Variants in PCDHGA4 observed in about 807,000 individuals in gnomAD.
The protein encoded by PCDHGA4 is protocadherin gamma subfamily A, 4.
PCDHGA4 carries 38 observed loss-of-function variants against 54.6 expected under a neutral mutation model. The ratio of observed to expected loss-of-function variants is 0.70; its 90% CI spans 0.54 to 0.91. PCDHGA4 has a LOEUF of 0.91. Ranked by LOEUF, PCDHGA4 falls within the 40% of genes least tolerant of loss-of-function variation. The pLI, the probability that PCDHGA4 is intolerant of heterozygous loss-of-function variation, is 0.00. For missense variants in PCDHGA4, 1,298 were observed against 1,220.9 expected, an observed-to-expected ratio of 1.06 and a Z score of -0.94; for synonymous variants, 511 against 512.9, an observed-to-expected ratio of 1.00 and a Z score of 0.05.
chr5:141,417,709 C>T lies in PCDHGA4; in HGVS notation c.2514+60088C>T, dbSNP rs533902963. 1.5e-5 allele frequency: 18 copies of T among 1,238,872 alleles called. No individual in the cohort carries two copies. The East Asian group carries it at 1.8e-4, about 12-fold the overall frequency. 76.7% of individuals were successfully genotyped at this position (1,238,872 alleles called of 1,614,324 possible). ...AAGAAAACCAGCTCCCACACAGAGG[C>T]TCCCGGCTGCGCAGACCTTGCCCAG... On this transcript the variant is annotated intron_variant, in intron 1 of 3. Coordinates refer to ENST00000571252, the MANE Select transcript of PCDHGA4 (RefSeq NM_018917.4).
chr5:141,498,531 G>A (rs1384404653), intron 2 of PCDHGA4, among the ~76,000 whole-genome samples: 3 of 148,544 alleles, frequency 2.0e-5, no homozygotes, highest in Non-Finnish European at 4.4e-5. Context: ...CTGCCCTCCA[G>A]CCTGGTCTGG....
At chr5:141,382,816 T>G (rs1778462841) in intron 1 of PCDHGA4, 1 of 1,275,448 alleles carries the variant, frequency 7.8e-7, no homozygotes, top group Non-Finnish European at 1.1e-6. Context: ...CTCCCCTTCC[T>G]AAGACAGAGG....
intron 1 of PCDHGA4, 187 bp downstream of exon 1, chr5:141,357,808 AT>A: frequency 1.3e-6 from 1 of 767,124 alleles, no homozygotes; most frequent in African/African-American, 1.8e-5. Flanking sequence ...AATGTTGTTT[AT>A]TACTTATCCT....
rs61612330 is a variant in PCDHGA4 at position 141,454,796 on chromosome 5, A to ATTTTTTTTTTTTTTTTTTTTTTTTT, written c.2515-40006_2515-39982dup. ...AAGGAAATAATCCTCCATGGTTCTA[A>ATTTTTTTTTTTTTTTTTTTTTTTTT]TTTTTTTTTTTTTTTTTTTTTTTTT... On this transcript the variant is annotated intron_variant, in intron 1 of 3. Coordinates refer to ENST00000571252, the MANE Select transcript of PCDHGA4 (RefSeq NM_018917.4). Among the ~76,000 whole-genome samples, 7 of 77,408 alleles carry ATTTTTTTTTTTTTTTTTTTTTTTTT rather than the reference A, an allele frequency of 9.0e-5. 1 individual carries two copies. Among genetic ancestry groups the ATTTTTTTTTTTTTTTTTTTTTTTTT allele is most frequent in the East Asian group, 4.0e-4 (1 of 2,514 alleles). 50.8% of individuals were successfully genotyped at this position (77,408 alleles called of 152,430 possible). A position where few individuals can be genotyped will look rare whatever the true frequency, so the allele number is the denominator to read the frequency against.
chr5:141,461,423 C>T lies in PCDHGA4; in HGVS notation c.2515-33384C>T, dbSNP rs1005977255. 3.9e-5 allele frequency among the ~76,000 whole-genome samples: 6 copies of T among 151,938 alleles called. No individual in the cohort carries two copies. In the South Asian group the frequency reaches 6.2e-4, roughly 16 times the overall value. On this transcript the variant is annotated intron_variant, in intron 1 of 3. Coordinates refer to ENST00000571252, the MANE Select transcript of PCDHGA4 (RefSeq NM_018917.4). ...AGCATTTTTTCATATGTTTGTGGGC[C>T]ATTTGTATACCTTCTTTTGAGAAAT... is the stretch of plus-strand genomic sequence containing the variant.
chr5:141,427,751 C>G (rs778043340), intron 1 of PCDHGA4: 6 of 1,306,076 alleles, frequency 4.6e-6, no homozygotes, highest in Non-Finnish European at 6.6e-6. Context: ...CCTACTCCAT[C>G]GTTACCACTG....
At chr5:141,362,559 G>C (rs764539634) in intron 1 of PCDHGA4, 1 of 1,611,324 alleles carries the variant, frequency 6.2e-7, no homozygotes, top group South Asian at 1.1e-5. Context: ...TTTTGAAGGT[G>C]AGCTTTAATT....
In PCDHGA4 at chr5:141,355,711, C is replaced by A; in HGVS notation, c.604C>A (p.Gln202Lys). The change falls in exon 1 of 4, where the codon CAG (glutamine) becomes AAG (lysine). Residue 202 changes from glutamine (Q) to lysine (K), a missense_variant. Coordinates refer to ENST00000571252, the MANE Select transcript of PCDHGA4 (RefSeq NM_018917.4). ...AGGTGTAAACTCCCTGCAGGGTTAC[C>A]AGCTCAACTCAAACGGTTACTTTTC... is the stretch of plus-strand genomic sequence containing the variant. Reference protein sequence around the residue: ...DVGVNSLQGYQLNSNGYFSLD... With the variant: ...DVGVNSLQGYKLNSNGYFSLD... The A allele has an allele frequency of 1.9e-6, 3 of 1,613,998 alleles. No individual in the cohort carries two copies. The highest frequency in any genetic ancestry group is 2.5e-6 in the Non-Finnish European group (3 of 1,179,878).
intron 1 of PCDHGA4, chr5:141,415,772 T>TTC: frequency 7.5e-7 from 1 of 1,332,986 alleles, no homozygotes; most frequent in Non-Finnish European, 9.6e-7. Flanking sequence ...TTTTTTTTTT[T>TTC]ACTTTCTGGT....
chr5:141,476,743 T>A lies in PCDHGA4; in HGVS notation c.2515-18064T>A. On this transcript the variant is annotated intron_variant, in intron 1 of 3. Coordinates refer to ENST00000571252, the MANE Select transcript of PCDHGA4 (RefSeq NM_018917.4). The surrounding 1 kb of genome is among the most constrained non-coding windows in gnomAD (Gnocchi z 7.6). ...CCCTGGACCGAGAACGGGAGCCTAG[T>A]CTCCAGTTAGTGCTGACGGCGTTGG... is the stretch of plus-strand genomic sequence containing the variant. The A allele has an allele frequency of 6.2e-7, 1 of 1,613,932 alleles. No individual in the cohort carries two copies. The highest frequency in any genetic ancestry group is 1.1e-5 in the South Asian group (1 of 91,064).
intron 1 of PCDHGA4, chr5:141,372,016 CGCTCAGCGCCAACGTGA>C (rs1768310600): frequency 6.2e-7 from 1 of 1,613,256 alleles, no homozygotes; most frequent in Non-Finnish European, 8.5e-7. Flanking sequence ...GGCTCGCCTA[CGCTCAGCGCCAACGTGA>C]GCCTGCGCGT....
rs1591227595 is a variant in PCDHGA4 at position 141,432,858 on chromosome 5, T to C, written c.2515-61949T>C. ...TACCTGGTGGTAGCGGTGGCCGCGG[T>C]CTCCTGCGTCTTCCTGGCCTTCGTC... On this transcript the variant is annotated intron_variant, in intron 1 of 3. Coordinates refer to ENST00000571252, the MANE Select transcript of PCDHGA4 (RefSeq NM_018917.4). This position sits in a 1 kb window ranked among gnomAD's most constrained non-coding sequence, Gnocchi z 6.0. The C allele has an allele frequency of 1.2e-6, 2 of 1,614,140 alleles. No individual in the cohort carries two copies. Among genetic ancestry groups the C allele is most frequent in the Non-Finnish European group, 8.5e-7 (1 of 1,179,996 alleles).
intron 1 of PCDHGA4, chr5:141,365,169 CTT>C: frequency 1.2e-6 from 2 of 1,613,926 alleles, no homozygotes; most frequent in South Asian, 2.2e-5. Flanking sequence ...TTGACCTACT[CTT>C]TTCGCAATGA....
chr5:141,422,785 T>C, intron 1 of PCDHGA4: 1 of 1,614,146 alleles, frequency 6.2e-7, no homozygotes, highest in Non-Finnish European at 8.5e-7. Flanking sequence ...TGCCCTACAA[T>C]CCTTCGACTA....
chr5:141,415,055 C>A (rs767474996), intron 1 of PCDHGA4: 1 of 1,613,402 alleles, frequency 6.2e-7, no homozygotes, highest in Non-Finnish European at 8.5e-7. Context: ...GGGGAGCACA[C>A]GGGCGAGGTG....
chr5:141,451,812 C>G (rs974567828), intron 1 of PCDHGA4, among the ~76,000 whole-genome samples: 1 of 149,686 alleles, frequency 6.7e-6, no homozygotes, highest in Non-Finnish European at 1.5e-5. Flanking sequence ...ACCCAGGAGG[C>G]GGAGGTTACA....
rs745457172 is a variant in PCDHGA4 at position 141,490,744 on chromosome 5, C to T, written c.2515-4063C>T. The stretch of plus-strand genomic sequence containing the variant: ...TGTAGGAAATCAGGTTCAGGGAGCC[C>T]CAGCCTCCTCCTTTGTGTATGTCAA... On this transcript the variant is annotated intron_variant, in intron 1 of 3. Coordinates refer to ENST00000571252, the MANE Select transcript of PCDHGA4 (RefSeq NM_018917.4). The surrounding 1 kb of genome is among the most constrained non-coding windows in gnomAD (Gnocchi z 5.4). 1 of 1,614,142 alleles carries T rather than the reference C, an allele frequency of 6.2e-7. No homozygotes were observed. Among genetic ancestry groups the T allele is most frequent in the Non-Finnish European group, 8.5e-7 (1 of 1,180,006 alleles).
chr5:141,398,803 A>C (rs551301850), intron 1 of PCDHGA4: 2 of 1,613,960 alleles, frequency 1.2e-6, no homozygotes, highest in African/African-American at 2.7e-5. Context: ...AAGCGGCACC[A>C]CTGAGCTCCG....
At chr5:141,374,589 G>T (rs1385892757) in intron 1 of PCDHGA4, 1 of 1,613,558 alleles carries the variant, frequency 6.2e-7, no homozygotes, top group Admixed American at 1.7e-5. Context: ...TCCCTTCAGG[G>T]ATTTAAGCTC....
Sources: allele counts gnomAD v4.1 joint callset (sites outside exome capture counted in the v4.1 genomes callset), GRCh38; gene constraint gnomAD v4.1.1; non-coding constraint Gnocchi (gnomAD v3.1); transcripts MANE v1.5; gene names NCBI Gene and HGNC (gene_info 2026-07-23, HGNC 2026-07-21).